The following USP31 variants were observed in gnomAD, a reference collection of about 807,000 sequenced individuals.
USP31 encodes ubiquitin specific peptidase 31, also known as ubiquitin carboxyl-terminal hydrolase 31.
Under a neutral mutation model 119.4 loss-of-function variants are expected in USP31, and 44 were observed. That is an observed-to-expected ratio of 0.37 (90% CI 0.29 to 0.47). The LOEUF (loss-of-function observed/expected upper bound fraction) is 0.47, where lower values mean the gene tolerates loss of function less well. Among genes scored for constraint, USP31 ranks in the 20% least tolerant of loss-of-function variants. The probability of loss-of-function intolerance (pLI) is 0.99; values close to 1 mark genes in which losing one functional copy is unlikely to be tolerated. For missense variants in USP31, 1,643 were observed against 1,730.2 expected, an observed-to-expected ratio of 0.95 and a Z score of 0.89; for synonymous variants, 749 against 705.6, an observed-to-expected ratio of 1.06 and a Z score of -0.97.
intron 1 of USP31, among the ~76,000 whole-genome samples, chr16:23,145,090 A>G (rs1037263665): frequency 6.6e-6 from 1 of 152,020 alleles, no homozygotes; most frequent in African/African-American, 2.4e-5. Flanking sequence ...ATTCCCCAAA[A>G]CCACACGCCC....
At chr16:23,085,952 T>C (rs945570144) in intron 9 of USP31, among the ~76,000 whole-genome samples, 5 of 152,218 alleles carry the variant, frequency 3.3e-5, no homozygotes, top group African/African-American at 1.2e-4. Flanking sequence ...CACTCTCAGA[T>C]AGTCATTATG....
intron 5 of USP31, among the ~76,000 whole-genome samples, chr16:23,102,726 GA>G (rs905797404): frequency 5.5e-4 from 82 of 149,876 alleles, no homozygotes; most frequent in African/African-American, 1.8e-3. Flanking sequence ...ATATTCAGAA[GA>G]AAAAAAAAGG....
rs771069353 is a variant in USP31, at chr16:23,069,420, G to A, written c.2685C>T (p.Thr895=). 3 of 1,614,084 alleles carry A rather than the reference G, an allele frequency of 1.9e-6. No individual in the cohort carries two copies. In the Admixed American group the frequency reaches 5.0e-5, roughly 27 times the overall value. ...GDSPIHSSAS[T]LEKIGEAADD... ...CTGCTGCCTCCCCAATCTTCTCCAA[G>A]GTGGAAGCAGAGCTGTGAATTGGCG... is the stretch of plus-strand genomic sequence containing the variant. The change falls in exon 16 of 16, where the codon ACC becomes ACT. Residue 895 remains threonine (T), a synonymous_variant. Coordinates refer to ENST00000219689, the MANE Select transcript of USP31 (RefSeq NM_020718.4).
At chr16:23,130,417 C>G (rs969191820) in intron 1 of USP31, among the ~76,000 whole-genome samples, 3 of 151,734 alleles carry the variant, frequency 2.0e-5, no homozygotes, top group Non-Finnish European at 2.9e-5. Flanking sequence ...GACACCCCCC[C>G]CCCAACTAAT....
intron 8 of USP31, among the ~76,000 whole-genome samples, chr16:23,087,504 T>C (rs936675572): frequency 6.6e-6 from 1 of 152,242 alleles, no homozygotes; most frequent in Non-Finnish European, 1.5e-5. Flanking sequence ...TACTAAATCC[T>C]TTCCAAGCTG....
In USP31 at chr16:23,149,177, G is replaced by C. The variant is rs1180518508; in HGVS notation, c.94C>G (p.Arg32Gly). 1.7e-6 allele frequency: 2 copies of C among 1,165,304 alleles called. No individual in the cohort carries two copies. Among genetic ancestry groups the C allele is most frequent in the East Asian group, 4.3e-5 (1 of 23,448 alleles). 72.2% of individuals were successfully genotyped at this position (1,165,304 alleles called of 1,614,324 possible). A position where few individuals can be genotyped will look rare whatever the true frequency, so the allele number is the denominator to read the frequency against. Residue 32 changes from arginine to glycine, a missense_variant, in exon 1 of 16, where the codon CGC (arginine) becomes GGC (glycine). By Grantham distance (125) the Arg-to-Gly change is moderately radical (BLOSUM62 -2). Coordinates refer to ENST00000219689, the MANE Select transcript of USP31 (RefSeq NM_020718.4). ...CCCCCCGCGCCGCCGCCGCCAGCGC[G>C]GCCGCTCCGAAACAGCCGCTTGCTG... Reference protein sequence around the residue: ...SFSKRLFRSGRAGGGGAGGPG... With the variant: ...SFSKRLFRSGGAGGGGAGGPG...
At position 23,138,044 on chromosome 16, in the gene USP31, G is replaced by T. The variant is rs531235069; in HGVS notation, c.633+10594C>A. Among the ~76,000 whole-genome samples, 44 of 152,264 alleles carry T rather than the reference G, an allele frequency of 2.9e-4. No individual in the cohort carries two copies. The South Asian group carries it at 4.8e-3, about 16-fold the overall frequency. Reference sequence around the variant, plus strand: ...AAATGTAAATCAATGGCACCTTAGGGCAACGTGTTCCAGAGTAAGAGCATG... The same window carrying T: ...AAATGTAAATCAATGGCACCTTAGGTCAACGTGTTCCAGAGTAAGAGCATG... On this transcript the variant is annotated intron_variant, in intron 1 of 15. Coordinates refer to ENST00000219689, the MANE Select transcript of USP31 (RefSeq NM_020718.4).
chr16:23,099,909 C>A, intron 6 of USP31, among the ~76,000 whole-genome samples: 1 of 152,146 alleles, frequency 6.6e-6, no homozygotes. Flanking sequence ...ATACAAATGG[C>A]CAACAAGCAC....
intron 10 of USP31, 82 bp from the exon 11 acceptor site, chr16:23,085,071 C>A: frequency 6.6e-7 from 1 of 1,508,172 alleles, no homozygotes. Context: ...CATGAAGTGA[C>A]TACAAACTCA....
chr16:23,110,002 C>T (rs1902253660), intron 1 of USP31, among the ~76,000 whole-genome samples: 1 of 152,122 alleles, frequency 6.6e-6, no homozygotes, highest in Non-Finnish European at 1.5e-5. Context: ...AAAAAACGCA[C>T]AAGAGACTAA....
intron 6 of USP31, among the ~76,000 whole-genome samples, chr16:23,097,692 T>A (rs1034412140): frequency 6.6e-6 from 1 of 152,194 alleles, no homozygotes; most frequent in African/African-American, 2.4e-5. Flanking sequence ...ATAAATGTAA[T>A]CCATCACATA....
Position 23,068,326 on chromosome 16 carries a change from T to A in USP31, c.3779A>T (p.Lys1260Met). 1 of 1,614,148 alleles carries A rather than the reference T, an allele frequency of 6.2e-7. No individual in the cohort carries two copies. Among genetic ancestry groups the A allele is most frequent in the African/African-American group, 1.3e-5 (1 of 75,058 alleles). ...GTCCCCGGTGTTCTTACAGACAGACTTAACAGAGCTCCCACCAGCCTTTTT... is the reference window on the plus strand; with the variant it reads ...GTCCCCGGTGTTCTTACAGACAGACATAACAGAGCTCCCACCAGCCTTTTT... ...LSKKAGGSSV[K>M]SVCKNTGDDE... Residue 1260 changes from lysine to methionine, a missense_variant, in exon 16 of 16, where the codon AAG (lysine) becomes ATG (methionine). Physicochemically the swap from Lys to Met is moderately conservative, Grantham distance 95 (BLOSUM62 -1). Coordinates refer to ENST00000219689, the MANE Select transcript of USP31 (RefSeq NM_020718.4).
chr16:23,145,747 T>C (rs1314955822), intron 1 of USP31, among the ~76,000 whole-genome samples: 1 of 152,160 alleles, frequency 6.6e-6, no homozygotes, highest in Non-Finnish European at 1.5e-5. Flanking sequence ...CACTGAACCA[T>C]AGAACCATCC....
chr16:23,106,181 T>A (rs780223453), intron 4 of USP31, 32 bp downstream of exon 4: 1 of 1,612,698 alleles, frequency 6.2e-7, no homozygotes. Flanking sequence ...CATAAGAAAA[T>A]ACAGTCTTCA....
chr16:23,084,960 A>G lies in USP31; in HGVS notation c.1730T>C (p.Ile577Thr). ...CAGACGAACACTTTCTGCATCAGGA[A>G]TATACTCATCCTCAGTATTTACAAA... ...FLFVNTEDEYIPDAESVRLQR... is the reference protein window; with the variant it reads ...FLFVNTEDEYTPDAESVRLQR... Residue 577 changes from isoleucine to threonine, a missense_variant, in exon 11 of 16, where the codon ATT (isoleucine) becomes ACT (threonine). By Grantham distance (89) the Ile-to-Thr change is moderately conservative. This residue lies in a region of USP31 where 279 missense variants were observed against 372.2 expected (regional missense o/e 0.75). Transcript: ENST00000219689. 6.2e-7 allele frequency: 1 copy of G among 1,614,156 alleles called. No homozygotes were observed. The highest frequency in any genetic ancestry group is 8.5e-7 in the Non-Finnish European group (1 of 1,180,018).
At chr16:23,083,171 G>C (rs1043439691) in intron 11 of USP31, among the ~76,000 whole-genome samples, 8 of 152,060 alleles carry the variant, frequency 5.3e-5, no homozygotes, top group Non-Finnish European at 1.0e-4. Context: ...CTGGATACTG[G>C]AATTATTTAG....
intron 6 of USP31, among the ~76,000 whole-genome samples, chr16:23,098,144 T>C (rs986777043): frequency 3.3e-5 from 5 of 152,154 alleles, no homozygotes; most frequent in African/African-American, 4.8e-5. Context: ...ACAAAATCAA[T>C]GTGCAAAAAT....
intron 1 of USP31, among the ~76,000 whole-genome samples, chr16:23,138,081 G>A (rs912216950): frequency 6.6e-6 from 1 of 152,154 alleles, no homozygotes; most frequent in African/African-American, 2.4e-5. Context: ...ATGTCACACT[G>A]CCCTAAGTTC....
intron 11 of USP31, among the ~76,000 whole-genome samples, chr16:23,083,969 A>ATC (rs570170242): frequency 2.4e-4 from 36 of 152,352 alleles, no homozygotes; most frequent in African/African-American, 8.2e-4. Context: ...AACATGGTCT[A>ATC]TCTCTGTCTT....
Sources: allele counts gnomAD v4.1 joint callset (sites outside exome capture counted in the v4.1 genomes callset), GRCh38; gene constraint gnomAD v4.1.1; regional missense constraint gnomAD v4.1.1; transcripts MANE v1.5; gene names NCBI Gene and HGNC (gene_info 2026-07-23, HGNC 2026-07-21).